Variants in ZNF267 observed in about 807,000 individuals in gnomAD.
ZNF267 encodes zinc finger protein 267, also known as zinc finger (C2H2).
Under a neutral mutation model 71.6 loss-of-function variants are expected in ZNF267, and 61 were observed. That is an observed-to-expected ratio of 0.85 (90% CI 0.69 to 1.05). The LOEUF (loss-of-function observed/expected upper bound fraction) is 1.05, where lower values mean the gene tolerates loss of function less well. Ranked by LOEUF, ZNF267 falls within the 50% of genes least tolerant of loss-of-function variation. The pLI is 0.00. For missense variants in ZNF267, 852 were observed against 870.0 expected, an observed-to-expected ratio of 0.98 and a Z score of 0.26; for synonymous variants, 288 against 293.2, an observed-to-expected ratio of 0.98 and a Z score of 0.18.
At chr16:31,893,130 A>G (rs182680428) in intron 3 of ZNF267, among the ~76,000 whole-genome samples, 90 of 152,366 alleles carry the variant, frequency 5.9e-4, no homozygotes, top group Middle Eastern at 3.4e-3. Context: ...CCAAACCCCA[A>G]TCCTCGACTT....
chr16:31,882,351 A>G (rs74965383), intron 1 of ZNF267, among the ~76,000 whole-genome samples: 2,132 of 152,290 alleles, frequency 0.014, 60 homozygotes, highest in African/African-American at 0.049. Flanking sequence ...CCTCACTGTG[A>G]ACGAAAAGTA....
chr16:31,884,574 AT>A lies in ZNF267; in HGVS notation c.83del (p.Leu28CysfsTer5), dbSNP rs763082833. The stretch of plus-strand genomic sequence containing the variant: ...GAACACCTGGAACCAGCTCAGAAGA[AT>A]TTGTATCAGGATGTGATGTTAGAAA... The part of the protein sequence containing the change: ...EWEHLEPAQK[N>X]LYQDVMLENY... On this transcript the variant is annotated frameshift_variant, in exon 2 of 4. Coordinates refer to ENST00000300870, the MANE Select transcript of ZNF267 (RefSeq NM_003414.6). LOFTEE classifies it high-confidence loss of function. 1.9e-6 allele frequency: 3 copies of A among 1,614,154 alleles called. No individual in the cohort carries two copies. The highest frequency in any genetic ancestry group is 2.5e-6 in the Non-Finnish European group (3 of 1,179,998).
intron 3 of ZNF267, among the ~76,000 whole-genome samples, chr16:31,905,404 T>C (rs1337070559): frequency 6.6e-6 from 1 of 152,202 alleles, no homozygotes; most frequent in African/African-American, 2.4e-5. Flanking sequence ...TCCATTCTCC[T>C]CGTCACTTTC....
chr16:31,879,018 A>C (rs2083872300), intron 1 of ZNF267, among the ~76,000 whole-genome samples: 1 of 152,226 alleles, frequency 6.6e-6, no homozygotes, highest in Non-Finnish European at 1.5e-5. Context: ...CAACCTGTCT[A>C]AATCACTCTT....
At chr16:31,886,675 A>G (rs1351386811) in intron 3 of ZNF267, among the ~76,000 whole-genome samples, 1 of 152,240 alleles carries the variant, frequency 6.6e-6, no homozygotes, top group Admixed American at 6.5e-5. Flanking sequence ...GCTGTACATT[A>G]GATATTCAGA....
intron 3 of ZNF267, among the ~76,000 whole-genome samples, chr16:31,893,050 C>T (rs1426632746): frequency 6.6e-6 from 1 of 152,232 alleles, no homozygotes; most frequent in African/African-American, 2.4e-5. Context: ...GTTCTCCCTG[C>T]CCCTGCAGCA....
intron 3 of ZNF267, among the ~76,000 whole-genome samples, chr16:31,897,895 C>T (rs2084011660): frequency 6.6e-6 from 1 of 152,102 alleles, no homozygotes; most frequent in South Asian, 2.1e-4. Context: ...AGTTGTCTAT[C>T]TGGAATAATG....
At position 31,877,133 on chromosome 16, in the gene ZNF267, C is replaced by T. The variant is rs550678716; in HGVS notation, c.3+3164C>T. On this transcript the variant is annotated intron_variant, in intron 1 of 3. Coordinates refer to ENST00000300870, the MANE Select transcript of ZNF267 (RefSeq NM_003414.6). ...TACTCATTAATCATTTTAACACTCC[C>T]CCCACCCGACAACTGGTTTTCCCCC... Among the ~76,000 whole-genome samples the T allele has an allele frequency of 5.3e-5, 8 of 152,098 alleles. No homozygotes were observed. The East Asian group carries it at 1.5e-3, about 29-fold the overall frequency.
intron 3 of ZNF267, among the ~76,000 whole-genome samples, chr16:31,905,117 A>C (rs1230448862): frequency 6.6e-6 from 1 of 151,904 alleles, no homozygotes; most frequent in African/African-American, 2.4e-5. Context: ...ATTGGCCCCC[A>C]CTCTCTTCTG....
intron 3 of ZNF267, among the ~76,000 whole-genome samples, chr16:31,887,811 GA>G: frequency 6.6e-6 from 1 of 152,170 alleles, no homozygotes; most frequent in Admixed American, 6.5e-5. Flanking sequence ...GAAGAAGTGT[GA>G]TGCCTCTAGC....
chr16:31,897,190 A>C (rs2084006182), intron 3 of ZNF267, among the ~76,000 whole-genome samples: 1 of 151,780 alleles, frequency 6.6e-6, no homozygotes, highest in Admixed American at 6.6e-5. Context: ...AACTGTTAGG[A>C]GTAATAAATT....
At chr16:31,899,637 G>A (rs2084023961) in intron 3 of ZNF267, among the ~76,000 whole-genome samples, 1 of 151,998 alleles carries the variant, frequency 6.6e-6, no homozygotes, top group African/African-American at 2.4e-5. Flanking sequence ...AGAAGCAAGA[G>A]GAAAAAATCT....
intron 3 of ZNF267, among the ~76,000 whole-genome samples, chr16:31,908,043 A>AC (rs1286677137): frequency 1.4e-5 from 2 of 145,714 alleles, no homozygotes; most frequent in African/African-American, 5.0e-5. Context: ...ACTCTGTCTC[A>AC]AAAAAAAAAA....
At chr16:31,896,055 A>T (rs2083995926) in intron 3 of ZNF267, among the ~76,000 whole-genome samples, 1 of 152,142 alleles carries the variant, frequency 6.6e-6, no homozygotes, top group African/African-American at 2.4e-5. Context: ...TCTGTCACCC[A>T]GGTTAGAGTG....
intron 3 of ZNF267, chr16:31,894,788 A>C: frequency 2.0e-6 from 1 of 502,334 alleles, no homozygotes; most frequent in South Asian, 1.5e-5. Context: ...CTTTCCTTTC[A>C]AGGAGCTGTT....
At chr16:31,877,148 G>T (rs1038574510) in intron 1 of ZNF267, among the ~76,000 whole-genome samples, 6 of 151,398 alleles carry the variant, frequency 4.0e-5, no homozygotes, top group African/African-American at 1.5e-4. Flanking sequence ...CCCGACAACT[G>T]GTTTTCCCCC....
At chr16:31,908,081 G>A (rs2084106577) in intron 3 of ZNF267, among the ~76,000 whole-genome samples, 1 of 152,074 alleles carries the variant, frequency 6.6e-6, no homozygotes, top group South Asian at 2.1e-4. Flanking sequence ...TACACTAGGT[G>A]TGATGATGCA....
At chr16:31,894,338 C>T (rs772804184) in intron 3 of ZNF267, among the ~76,000 whole-genome samples, 3 of 152,236 alleles carry the variant, frequency 2.0e-5, no homozygotes, top group Non-Finnish European at 4.4e-5. Flanking sequence ...TCTTGGACCA[C>T]ACTTACTTTA....
chr16:31,889,760 G>C (rs768962424), intron 3 of ZNF267, among the ~76,000 whole-genome samples: 49 of 152,124 alleles, frequency 3.2e-4, no homozygotes, highest in Non-Finnish European at 5.9e-4. Context: ...TAAACAACCA[G>C]ATCTCATAAC....
Sources: allele counts gnomAD v4.1 joint callset (sites outside exome capture counted in the v4.1 genomes callset), GRCh38; gene constraint gnomAD v4.1.1; transcripts MANE v1.5; gene names NCBI Gene and HGNC (gene_info 2026-07-23, HGNC 2026-07-21).